Variants in NOC4L observed in about 807,000 individuals in gnomAD.
NOC4L encodes nucleolar complex associated 4 homolog.
NOC4L carries 40 observed loss-of-function variants against 62.8 expected under a neutral mutation model. That is an observed-to-expected ratio of 0.64 (90% confidence interval 0.49 to 0.83). The LOEUF (loss-of-function observed/expected upper bound fraction) is 0.83, where lower values mean the gene tolerates loss of function less well. Among genes scored for constraint, NOC4L ranks in the 40% least tolerant of loss-of-function variants. The pLI is 0.00. For synonymous variants in NOC4L, 433 were observed against 299.8 expected, an observed-to-expected ratio of 1.44 and a Z score of -4.59; for missense variants, 927 against 701.9, an observed-to-expected ratio of 1.32 and a Z score of -3.62.
At chr12:132,145,758 TC>T (rs1359218377) in intron 3 of NOC4L, 93 bp downstream of exon 3, 38 of 852,534 alleles carry the variant, frequency 4.5e-5, no homozygotes, top group Non-Finnish European at 6.0e-5. Context: ...CCCACAATTG[TC>T]CAGGCAAAGC....
chr12:132,150,673 T>C (rs11246945), intron 9 of NOC4L, among the ~76,000 whole-genome samples: 550 of 10,174 alleles, frequency 0.054, 90 homozygotes, highest in East Asian at 0.12. Context: ...GCCTCGCTCA[T>C]ACCACACCCC....
intron 10 of NOC4L, 107 bp from the exon 11 acceptor site, chr12:132,151,151 G>A: frequency 1.4e-6 from 2 of 1,414,570 alleles, no homozygotes; most frequent in South Asian, 1.2e-5. Context: ...AGGCCATGGT[G>A]TTGGAGTCCC....
intron 8 of NOC4L, 49 bp from the exon 9 acceptor site, chr12:132,148,735 C>CCCCCGGGGGGGGGGGGGGG: frequency 2.3e-6 from 3 of 1,309,280 alleles, no homozygotes; most frequent in Non-Finnish European, 3.1e-6. Flanking sequence ...CCCGACCCGC[C>CCCCCGGGGGGGGGGGGGGG]GGCCCCCGCC....
At chr12:132,146,493 G>A (rs1183124137) in intron 3 of NOC4L, 6 of 395,146 alleles carry the variant, frequency 1.5e-5, no homozygotes, top group Admixed American at 1.3e-4. Context: ...GGAATTACAA[G>A]GCCACACAGC....
intron 9 of NOC4L, 49 bp downstream of exon 9, chr12:132,148,944 G>A (rs1230274316): frequency 7.1e-6 from 3 of 425,460 alleles, no homozygotes; most frequent in Non-Finnish European, 1.3e-5. Context: ...CCCTCGGTGA[G>A]TGCCGCCGCC....
In NOC4L at chr12:132,152,234, C is replaced by T. The variant is rs199705764; in HGVS notation, c.1431+37C>T. 175 of 1,600,804 alleles carry T rather than the reference C, an allele frequency of 1.1e-4. 1 individual carries two copies. In the East Asian group the frequency reaches 2.7e-3, roughly 24 times the overall value. ...GGCCAGGGTGCGAGGGTCTGGGCCA[C>T]GGGGCGCTGAGCCAAGCCTGAGAGC... On this transcript the variant is annotated intron_variant, in intron 14 of 14. Transcript: ENST00000330579.
chr12:132,151,001 G>A lies in NOC4L; in HGVS notation c.922G>A (p.Ala308Thr), dbSNP rs1292428944. 3 of 1,610,916 alleles carry A rather than the reference G, an allele frequency of 1.9e-6. No homozygotes were observed. The highest frequency in any genetic ancestry group is 1.3e-5 in the African/African-American group (1 of 75,012). Reference sequence around the variant, plus strand: ...TGCAGGGGGGGCCCTCAGCCTCTTGGCCTTGAACGGGCTGTTCATCTTGAT... The same window carrying A: ...TGCAGGGGGGGCCCTCAGCCTCTTGACCTTGAACGGGCTGTTCATCTTGAT... Reference protein sequence around the residue: ...CDLGGALSLLALNGLFILIHK... With the variant: ...CDLGGALSLLTLNGLFILIHK... Residue 308 changes from alanine to threonine, a missense_variant, in exon 10 of 15, where the codon GCC becomes ACC. By Grantham distance (58) the Ala-to-Thr change is moderately conservative. Transcript: ENST00000330579.
At chr12:132,151,887 T>TCC (rs1260547605) in intron 13 of NOC4L, 67 bp downstream of exon 13, 2 of 1,492,684 alleles carry the variant, frequency 1.3e-6, no homozygotes, top group Non-Finnish European at 1.8e-6. Flanking sequence ...AAAGCCCAGC[T>TCC]CCCCGTGCCA....
intron 10 of NOC4L, 48 bp from the exon 11 acceptor site, chr12:132,151,209 CA>C: frequency 6.5e-7 from 1 of 1,529,300 alleles, no homozygotes; most frequent in South Asian, 1.1e-5. Context: ...TTGGAGGCCT[CA>C]GTTCCCGGGC....
At chr12:132,148,735 C>CCCCCGGGGGGGGGGGGG in intron 8 of NOC4L, 49 bp from the exon 9 acceptor site, 4 of 1,309,248 alleles carry the variant, frequency 3.1e-6, no homozygotes, top group East Asian at 2.8e-5. Context: ...CCCGACCCGC[C>CCCCCGGGGGGGGGGGGG]GGCCCCCGCC....
In NOC4L at chr12:132,148,874, C is replaced by G. The variant is rs758803171; in HGVS notation, c.880C>G (p.Leu294Val). Residue 294 changes from leucine to valine, a missense_variant, in exon 9 of 15, where the codon CTC (leucine) becomes GTC (valine). Leu to Val is a conservative substitution (Grantham distance 32). Coordinates refer to ENST00000330579, the MANE Select transcript of NOC4L (RefSeq NM_024078.3). The part of the protein sequence containing the change: ...LAQPTLMIDF[L>V]TRACDLGGAL... ...GCAGCCCACGCTCATGATCGACTTC[C>G]TCACCCGCGCCTGCGACCTCGGTGA... 1 of 1,597,938 alleles carries G rather than the reference C, an allele frequency of 6.3e-7. No individual in the cohort carries two copies. Among genetic ancestry groups the G allele is most frequent in the Non-Finnish European group, 8.5e-7 (1 of 1,178,048 alleles).
chr12:132,148,522 A>G, intron 7 of NOC4L, 87 bp from the exon 8 acceptor site: 1 of 1,433,684 alleles, frequency 7.0e-7, no homozygotes, highest in Non-Finnish European at 9.6e-7. Flanking sequence ...GTGTTGGCTC[A>G]GGCTGGGCTT....
intron 3 of NOC4L, among the ~76,000 whole-genome samples, chr12:132,146,072 T>C (rs1897708304): frequency 6.6e-6 from 1 of 152,360 alleles, no homozygotes; most frequent in African/African-American, 2.4e-5. Flanking sequence ...CATCTGTTAC[T>C]GTGTTGTGCA....
rs576466306 is a variant in NOC4L at position 132,148,109 on chromosome 12, G to A, written c.738+3G>A. The A allele has an allele frequency of 1.2e-6, 2 of 1,613,198 alleles. No individual in the cohort carries two copies. Among genetic ancestry groups the A allele is most frequent in the Admixed American group, 1.7e-5 (1 of 59,986 alleles). ...CCTGGAAGGTTGCTCACCTGAAGGT[G>A]AGTTGCTTCTGGAGAGCCGGGCACC... On this transcript the variant is annotated splice_donor_region_variant and intron_variant, in intron 7 of 14. Transcript: ENST00000330579.
chr12:132,151,862 C>G, intron 13 of NOC4L, 42 bp downstream of exon 13: 11 of 1,578,482 alleles, frequency 7.0e-6, no homozygotes, highest in Non-Finnish European at 9.5e-6. Context: ...CCCGAGCCAT[C>G]CTTCGGCCCC....
chr12:132,146,160 G>A (rs544598269), intron 3 of NOC4L: 31 of 442,300 alleles, frequency 7.0e-5, no homozygotes, highest in South Asian at 2.8e-4. Context: ...TCCATATCCC[G>A]CCCCTTTCCA....
In NOC4L at chr12:132,151,280, A is replaced by C; in HGVS notation, c.985A>C (p.Lys329Gln). 6.2e-7 allele frequency: 1 copy of C among 1,611,800 alleles called. No homozygotes were observed. Among genetic ancestry groups the C allele is most frequent in the Non-Finnish European group, 8.5e-7 (1 of 1,179,890 alleles). The change falls in exon 11 of 15, where the codon AAG becomes CAG. Residue 329 changes from lysine (K) to glutamine (Q), a missense_variant. Lys to Gln is a moderately conservative substitution (Grantham distance 53, BLOSUM62 1). Coordinates refer to ENST00000330579, the MANE Select transcript of NOC4L (RefSeq NM_024078.3). ...CAGGGAGTACCCTGACTTCTACCGG[A>C]AGCTCTACGGCCTCTTGGACCCCTC... Reference protein sequence around the residue: ...HNLEYPDFYRKLYGLLDPSVF... With the variant: ...HNLEYPDFYRQLYGLLDPSVF...
chr12:132,148,571 T>C, intron 7 of NOC4L, 38 bp from the exon 8 acceptor site: 2 of 1,534,418 alleles, frequency 1.3e-6, no homozygotes, highest in East Asian at 2.5e-5. Context: ...TGGTCTGGGG[T>C]GGGGAGGGCG....
Position 132,144,623 on chromosome 12 carries a change from G to T in NOC4L, c.117+18G>T. 6.7e-7 allele frequency: 1 copy of T among 1,489,272 alleles called. No homozygotes were observed. The highest frequency in any genetic ancestry group is 8.9e-7 in the Non-Finnish European group (1 of 1,126,950). 92.3% of individuals were successfully genotyped at this position (1,489,272 alleles called of 1,614,324 possible). The stretch of plus-strand genomic sequence containing the variant: ...TGCTGCAGGTGGGCCTGGCGGCGTC[G>T]CAGGGCCGGAGTCGCGGCACGGGAG... On this transcript the variant is annotated intron_variant, in intron 1 of 14. Coordinates refer to ENST00000330579, the MANE Select transcript of NOC4L (RefSeq NM_024078.3).
Sources: allele counts gnomAD v4.1 joint callset (sites outside exome capture counted in the v4.1 genomes callset), GRCh38; gene constraint gnomAD v4.1.1; transcripts MANE v1.5; gene names NCBI Gene and HGNC (gene_info 2026-07-23, HGNC 2026-07-21).